Variants in RIPOR2 observed in about 807,000 individuals in gnomAD.
The protein encoded by RIPOR2 is rho family-interacting cell polarization regulator 2.
A neutral mutation model predicts 114.5 loss-of-function variants in RIPOR2; 39 were observed. The ratio of observed to expected loss-of-function variants is 0.34; its 90% CI spans 0.26 to 0.44. The LOEUF (loss-of-function observed/expected upper bound fraction) is 0.44. RIPOR2 is among the 20% of genes least tolerant of loss of function. The pLI, the probability that RIPOR2 is intolerant of heterozygous loss-of-function variation, is 1.00. For synonymous variants in RIPOR2, 445 were observed against 484.4 expected (o/e 0.92, Z 1.07); for missense variants, 1,007 against 1,255.1 (o/e 0.80, Z 2.99).
chr6:24,833,175 T>TGCAGA (rs1293804505), intron 15 of RIPOR2, among the ~76,000 whole-genome samples: 1 of 152,212 alleles, frequency 6.6e-6, no homozygotes, highest in Non-Finnish European at 1.5e-5. Flanking sequence ...TAGCCATAGA[T>TGCAGA]GCAGAACACA....
chr6:24,983,699 G>A (rs1488117322), intron 1 of RIPOR2, among the ~76,000 whole-genome samples: 3 of 140,388 alleles, frequency 2.1e-5, no homozygotes, highest in Non-Finnish European at 4.5e-5. Flanking sequence ...AGAGGTTGCA[G>A]TGAGTCAAGA....
intron 1 of RIPOR2, among the ~76,000 whole-genome samples, chr6:25,022,342 T>C (rs1776360815): frequency 6.6e-6 from 1 of 152,156 alleles, no homozygotes; most frequent in Non-Finnish European, 1.5e-5. Flanking sequence ...CTTTTGAGTC[T>C]GGCTTCTTTC....
Position 25,041,850 on chromosome 6 carries a change from C to T in RIPOR2, c.76+1G>A, listed in dbSNP as rs1339742766. On this transcript the variant is annotated splice_donor_variant, in intron 1 of 13. Coordinates refer to the RIPOR2 transcript ENST00000510784. LOFTEE classifies it high-confidence loss of function. ...TAGGTAACACCAGACGGGACACTCA[C>T]GGTTGAGCTGGCGCCTCCGGATCCT... 7.1e-6 allele frequency: 5 copies of T among 702,358 alleles called. No individual in the cohort carries two copies. Among genetic ancestry groups the T allele is most frequent in the African/African-American group, 3.5e-5 (2 of 57,184 alleles). The allele number at this position is 702,358 out of a possible 1,614,324, so 43.5% of individuals were successfully genotyped here.
At chr6:24,885,391 C>A (rs985919825) in intron 1 of RIPOR2, among the ~76,000 whole-genome samples, 1 of 151,964 alleles carries the variant, frequency 6.6e-6, no homozygotes, top group African/African-American at 2.4e-5. Flanking sequence ...CCCAGCTAAT[C>A]CTTCTGATTT....
At chr6:24,937,495 C>T (rs1431481778), upstream of RIPOR2, among the ~76,000 whole-genome samples, 1 of 152,104 alleles carries the variant, frequency 6.6e-6, no homozygotes, top group Non-Finnish European at 1.5e-5. Context: ...TTTACCACCC[C>T]CTACCATGAT....
intron 12 of RIPOR2, among the ~76,000 whole-genome samples, chr6:24,845,859 A>T (rs1438434507): frequency 1.3e-5 from 2 of 152,134 alleles, no homozygotes; most frequent in Non-Finnish European, 2.9e-5. Context: ...TGCGTTCTAG[A>T]AGGAACAACA....
At chr6:24,976,278 C>T (rs927716146) in intron 1 of RIPOR2, 12 of 629,560 alleles carry the variant, frequency 1.9e-5, no homozygotes, top group South Asian at 6.4e-5. Flanking sequence ...TATATTAGAA[C>T]GTATATATGC....
chr6:25,015,056 T>A (rs1248573231), intron 1 of RIPOR2: 2 of 152,188 alleles, frequency 1.3e-5, no homozygotes, highest in Non-Finnish European at 2.9e-5. Context: ...CCAGCAAGAT[T>A]TTTTTGCCAC....
At chr6:24,856,093 C>T (rs1472809037) in intron 8 of RIPOR2, among the ~76,000 whole-genome samples, 1 of 152,098 alleles carries the variant, frequency 6.6e-6, no homozygotes, top group African/African-American at 2.4e-5. Context: ...TTTCACCTGA[C>T]TTATAAACGT....
intron 21 of RIPOR2, 63 bp from the exon 22 acceptor site, chr6:24,806,536 T>C: frequency 8.1e-7 from 1 of 1,229,852 alleles, no homozygotes; most frequent in Non-Finnish European, 1.1e-6. Context: ...TTACTCAAAG[T>C]AACATAGTGC....
chr6:24,887,753 T>A (rs891400139), intron 1 of RIPOR2, among the ~76,000 whole-genome samples: 1 of 152,228 alleles, frequency 6.6e-6, no homozygotes, highest in Non-Finnish European at 1.5e-5. Context: ...GACAGTCAAT[T>A]GTAGGAACTT....
intron 1 of RIPOR2, among the ~76,000 whole-genome samples, chr6:24,910,296 G>A (rs1355855915): frequency 1.3e-5 from 2 of 152,122 alleles, no homozygotes; most frequent in Non-Finnish European, 2.9e-5. Flanking sequence ...ACACGGTGAG[G>A]AACGAGCTGG....
intron 1 of RIPOR2, among the ~76,000 whole-genome samples, chr6:24,896,141 C>A (rs375752498): frequency 2.0e-5 from 3 of 152,288 alleles, no homozygotes; most frequent in East Asian, 3.9e-4. Flanking sequence ...AAAACAAATG[C>A]CTTCTACTTC....
intron 8 of RIPOR2, among the ~76,000 whole-genome samples, chr6:24,859,549 G>GA (rs142406387): frequency 0.014 from 2,114 of 152,196 alleles, 45 homozygotes; most frequent in African/African-American, 0.046. Flanking sequence ...CTAAAAAATG[G>GA]AAAAAAGCAC....
chr6:24,919,302 T>C (rs551465340), intron 1 of RIPOR2, among the ~76,000 whole-genome samples: 2 of 152,342 alleles, frequency 1.3e-5, no homozygotes, highest in African/African-American at 2.4e-5. Flanking sequence ...TAATAAATTA[T>C]TCACGCCACC....
intron 13 of RIPOR2, among the ~76,000 whole-genome samples, chr6:24,842,450 A>C (rs763734604): frequency 1.3e-5 from 2 of 152,166 alleles, no homozygotes; most frequent in Non-Finnish European, 2.9e-5. Context: ...GCAGTGGCTC[A>C]TGGCTCTCAC....
intron 1 of RIPOR2, among the ~76,000 whole-genome samples, chr6:24,919,718 G>A (rs983304331): frequency 6.6e-5 from 10 of 152,182 alleles, no homozygotes; most frequent in African/African-American, 2.2e-4. Flanking sequence ...AAGAGCAAAC[G>A]TACACAGGCC....
In RIPOR2 at chr6:24,860,998, C is replaced by T; in HGVS notation, c.690G>A (p.Leu230=). ...CTTTCATCTTGATGGAGAATTCTCC[C>T]AGCAGATTCTCTAGCTCCACTTCAA... ...CTIEVELENL[L]GEFSIKMKGL... Residue 230 remains leucine (L), a synonymous_variant, in exon 8 of 22, where the codon CTG becomes CTA. Coordinates refer to ENST00000643898, the MANE Select transcript of RIPOR2 (RefSeq NM_001286445.3). The T allele has an allele frequency of 6.2e-7, 1 of 1,609,314 alleles. No homozygotes were observed. Among genetic ancestry groups the T allele is most frequent in the Non-Finnish European group, 8.5e-7 (1 of 1,176,588 alleles).
At chr6:24,948,711 A>C (rs1772592246) in intron 1 of RIPOR2, among the ~76,000 whole-genome samples, 1 of 151,980 alleles carries the variant, frequency 6.6e-6, no homozygotes, top group African/African-American at 2.4e-5. Flanking sequence ...TTGTATTTTT[A>C]GTAGAGATGG....
Sources: allele counts gnomAD v4.1 joint callset (sites outside exome capture counted in the v4.1 genomes callset), GRCh38; gene constraint gnomAD v4.1.1; transcripts MANE v1.5; gene names NCBI Gene and HGNC (gene_info 2026-07-23, HGNC 2026-07-21).